The following TRIM24 variants were observed in gnomAD, a reference collection of about 807,000 sequenced individuals.
TRIM24 encodes transcription intermediary factor 1-alpha.
A neutral mutation model predicts 123.9 loss-of-function variants in TRIM24; 29 were observed. That is an observed-to-expected ratio of 0.23 (90% CI 0.17 to 0.32). TRIM24 has a LOEUF of 0.32. Among genes scored for constraint, TRIM24 ranks in the 10% least tolerant of loss-of-function variants. The probability of loss-of-function intolerance (pLI) is 1.00; values close to 1 mark genes in which losing one functional copy is unlikely to be tolerated. For missense variants in TRIM24, 932 were observed against 1,295.3 expected, an observed-to-expected ratio of 0.72 and a Z score of 4.31; for synonymous variants, 456 against 461.1, an observed-to-expected ratio of 0.99 and a Z score of 0.14.
chr7:138,559,552 G>T (rs975101223), intron 9 of TRIM24, among the ~76,000 whole-genome samples: 1 of 152,176 alleles, frequency 6.6e-6, no homozygotes, highest in Non-Finnish European at 1.5e-5. Context: ...AGACTAGTCA[G>T]CTTCTGGGGT....
intron 12 of TRIM24, 41 bp downstream of exon 12, chr7:138,573,683 G>A (rs1272788748): frequency 6.3e-7 from 1 of 1,576,196 alleles, no homozygotes; most frequent in Non-Finnish European, 8.6e-7. Context: ...AGTTTTTCTA[G>A]TTTTCACTTT....
intron 1 of TRIM24, among the ~76,000 whole-genome samples, chr7:138,485,095 T>G (rs1795615505): frequency 6.6e-6 from 1 of 152,168 alleles, no homozygotes; most frequent in Non-Finnish European, 1.5e-5. Flanking sequence ...CAATATGGAT[T>G]TTCAATTTTA....
intron 1 of TRIM24, among the ~76,000 whole-genome samples, chr7:138,477,041 A>T (rs1252557659): frequency 8.7e-6 from 1 of 115,184 alleles, no homozygotes; most frequent in Non-Finnish European, 1.8e-5. Context: ...TGAGTATTAT[A>T]TGCTACCCTT....
Position 138,505,506 on chromosome 7 carries a change from GGTGGTTGTTGTT to G in TRIM24, c.483+1101_483+1112del, listed in dbSNP as rs778968561. 2.1e-3 allele frequency among the ~76,000 whole-genome samples: 103 copies of G among 50,174 alleles called. 3 individuals carry two copies. The South Asian group carries it at 0.035, about 17-fold the overall frequency. The allele number at this position is 50,174 out of a possible 152,430, so 32.9% of individuals were successfully genotyped here. ...AAAGCTTCATTTGTTTTTTGGGGGTGGTGGTTGTTGTTGTTGTTGTTGTTGTTGTTGTTGTTG... is the reference window on the plus strand; with the variant it reads ...AAAGCTTCATTTGTTTTTTGGGGGTGGTTGTTGTTGTTGTTGTTGTTGTTG... On this transcript the variant is annotated intron_variant, in intron 2 of 18. Transcript: ENST00000343526.
At chr7:138,510,837 T>A (rs1233045719) in intron 2 of TRIM24, among the ~76,000 whole-genome samples, 1 of 152,238 alleles carries the variant, frequency 6.6e-6, no homozygotes, top group Non-Finnish European at 1.5e-5. Flanking sequence ...TTTAGGAATT[T>A]AAATTTTTAA....
At chr7:138,471,464 T>C (rs940460740) in intron 1 of TRIM24, among the ~76,000 whole-genome samples, 2 of 152,046 alleles carry the variant, frequency 1.3e-5, no homozygotes, top group African/African-American at 2.4e-5. Flanking sequence ...CAAAGGACTT[T>C]CTTCTGATTT....
At chr7:138,521,248 T>C (rs755794805) in intron 4 of TRIM24, among the ~76,000 whole-genome samples, 1 of 152,126 alleles carries the variant, frequency 6.6e-6, no homozygotes, top group Non-Finnish European at 1.5e-5. Flanking sequence ...TATGAGTAAA[T>C]CTAAATGAAT....
chr7:138,561,457 C>T (rs138230904), intron 9 of TRIM24, among the ~76,000 whole-genome samples: 1 of 152,236 alleles, frequency 6.6e-6, no homozygotes, highest in East Asian at 1.9e-4. Flanking sequence ...GCATAGGAGC[C>T]CTTGGTATTG....
At chr7:138,573,895 G>GA (rs1797705380) in intron 12 of TRIM24, among the ~76,000 whole-genome samples, 1 of 152,164 alleles carries the variant, frequency 6.6e-6, no homozygotes, top group Admixed American at 6.5e-5. Flanking sequence ...TCACTCCTGA[G>GA]CTCAAGCGAT....
chr7:138,579,760 T>C (rs1220031567), intron 15 of TRIM24, among the ~76,000 whole-genome samples: 1 of 152,052 alleles, frequency 6.6e-6, no homozygotes, highest in South Asian at 2.1e-4. Context: ...TGTCTGTCTG[T>C]ACAAAATAAA....
At position 138,554,403 on chromosome 7, in the gene TRIM24, A is replaced by G. The variant is rs1254588792; in HGVS notation, c.1262-295A>G. On this transcript the variant is annotated intron_variant, in intron 8 of 18. Transcript: ENST00000343526. The surrounding 1 kb of genome is among the most constrained non-coding windows in gnomAD (Gnocchi z 4.5). Reference sequence around the variant, plus strand: ...AAACAGTATTTTAAAATATCAAAAAATGTTTACCAAATATTTTACAATATA... The same window carrying G: ...AAACAGTATTTTAAAATATCAAAAAGTGTTTACCAAATATTTTACAATATA... Among the ~76,000 whole-genome samples, 1 of 152,236 alleles carries G rather than the reference A, an allele frequency of 6.6e-6. No individual in the cohort carries two copies.
At chr7:138,492,273 C>CAAAAAAAAAAAAAAA (rs34380067) in intron 1 of TRIM24, among the ~76,000 whole-genome samples, 9 of 60,006 alleles carry the variant, frequency 1.5e-4, no homozygotes, top group African/African-American at 6.8e-4. Context: ...ACTCTGTCTC[C>CAAAAAAAAAAAAAAA]AAAAAAAAAA....
intron 7 of TRIM24, among the ~76,000 whole-genome samples, chr7:138,548,431 CAGTATACCTGTATAGGTATA>C (rs1797144365): frequency 6.7e-6 from 1 of 149,840 alleles, no homozygotes; most frequent in Admixed American, 6.6e-5. Flanking sequence ...AAAAAAAAAA[CAGTATACCTGTATAGGTATA>C]AGGCATTTAC....
intron 11 of TRIM24, among the ~76,000 whole-genome samples, chr7:138,573,052 A>G (rs1480291832): frequency 6.6e-6 from 1 of 152,226 alleles, no homozygotes; most frequent in Non-Finnish European, 1.5e-5. Flanking sequence ...ACTAGGTCCT[A>G]TCTATCTGTG....
At chr7:138,561,604 AG>A (rs1460228953) in intron 9 of TRIM24, among the ~76,000 whole-genome samples, 1 of 152,156 alleles carries the variant, frequency 6.6e-6, no homozygotes, top group Non-Finnish European at 1.5e-5. Flanking sequence ...TGTGGCAGCT[AG>A]TGCTTTGAGG....
rs1436066547 is a variant in TRIM24 at position 138,589,200 on chromosome 7, A to G, written c.*4249A>G. On this transcript the variant is annotated 3_prime_UTR_variant, in exon 19 of 19. Coordinates refer to ENST00000343526, the MANE Select transcript of TRIM24 (RefSeq NM_015905.3). Reference sequence around the variant, plus strand: ...ATGTGAATTTACTGTTGTAATTCACATACTGGTGTCATGTTTCTGAGTGAG... The same window carrying G: ...ATGTGAATTTACTGTTGTAATTCACGTACTGGTGTCATGTTTCTGAGTGAG... 6.6e-6 allele frequency: 1 copy of G among 152,170 alleles called. No homozygotes were observed. The highest frequency in any genetic ancestry group is 1.5e-5 in the Non-Finnish European group (1 of 68,040). 9.4% of individuals were successfully genotyped at this position (152,170 alleles called of 1,614,324 possible).
At chr7:138,549,053 C>G (rs1797159304) in intron 7 of TRIM24, among the ~76,000 whole-genome samples, 1 of 152,082 alleles carries the variant, frequency 6.6e-6, no homozygotes, top group African/African-American at 2.4e-5. Flanking sequence ...ATAATAAATA[C>G]ATAAACCAGT....
chr7:138,568,379 CTTTTTTTTTTTTTTT>C (rs60386130), intron 10 of TRIM24, among the ~76,000 whole-genome samples: 2 of 68,682 alleles, frequency 2.9e-5, no homozygotes, highest in Non-Finnish European at 5.0e-5. Flanking sequence ...ACCTGGCCTC[CTTTTTTTTTTTTTTT>C]TTTTTTTTTT....
intron 9 of TRIM24, among the ~76,000 whole-genome samples, chr7:138,560,003 A>T (rs955542984): frequency 5.9e-5 from 9 of 152,154 alleles, no homozygotes; most frequent in Non-Finnish European, 1.0e-4. Flanking sequence ...CCCCTAGTTC[A>T]TGGAGGTCAC....
Sources: gnomAD v4.1 joint callset for allele counts (sites outside exome capture counted in the v4.1 genomes callset) on GRCh38, gnomAD v4.1.1 for gene constraint, Gnocchi (gnomAD v3.1) non-coding constraint, MANE v1.5 for transcripts, NCBI Gene and HGNC (gene_info 2026-07-23, HGNC 2026-07-21) for gene names.